HIP1: variants seen among roughly 807,000 people sequenced by gnomAD.
HIP1 encodes the protein huntingtin-interacting protein 1.
Under a neutral mutation model 147.6 loss-of-function variants are expected in HIP1, and 65 were observed. The ratio of observed to expected loss-of-function variants is 0.44; its 90% CI spans 0.36 to 0.54. HIP1 has a LOEUF of 0.54. HIP1 is among the 20% of genes least tolerant of loss of function. The pLI, the probability that HIP1 is intolerant of heterozygous loss-of-function variation, is 0.00. For synonymous variants in HIP1, 479 were observed against 504.0 expected (o/e 0.95, Z 0.67); for missense variants, 1,061 against 1,299.6 (o/e 0.82, Z 2.82).
Position 75,637,997 on chromosome 7 carries a change from CACACACAT to C in HIP1, c.121-38758_121-38751del, listed in dbSNP as rs1798498316. Among the ~76,000 whole-genome samples the C allele has an allele frequency of 1.4e-4, 10 of 72,756 alleles. No individual in the cohort carries two copies. The East Asian group carries it at 1.4e-3, about 10-fold the overall frequency. The allele number at this position is 72,756 out of a possible 152,430, so 47.7% of individuals were successfully genotyped here. ...CCCAGACCCCCCCCCCCCCCCCACACACACACATACACACACACACACACACACACACA... is the reference window on the plus strand; with the variant it reads ...CCCAGACCCCCCCCCCCCCCCCACACACACACACACACACACACACACACA... On this transcript the variant is annotated intron_variant, in intron 1 of 30. Coordinates refer to ENST00000336926, the MANE Select transcript of HIP1 (RefSeq NM_005338.7).
intron 27 of HIP1, among the ~76,000 whole-genome samples, chr7:75,544,410 CTCTCTAACCTAGCCAA>C (rs1794458734): frequency 6.8e-5 from 2 of 29,540 alleles, no homozygotes; most frequent in African/African-American, 3.6e-4. Context: ...TAGCCAAGTA[CTCTCTAACCTAGCCAA>C]GTACTATCTA....
intron 1 of HIP1, among the ~76,000 whole-genome samples, chr7:75,669,764 T>C (rs1444604130): frequency 6.6e-6 from 1 of 152,200 alleles, no homozygotes. Context: ...ATGTTTTCAA[T>C]GTTTAAGCAT....
At chr7:75,690,344 G>A (rs1199339867) in intron 1 of HIP1, among the ~76,000 whole-genome samples, 2 of 151,958 alleles carry the variant, frequency 1.3e-5, no homozygotes, top group Non-Finnish European at 2.9e-5. Flanking sequence ...CATACAACTA[G>A]CCAATAAGCA....
In HIP1 at chr7:75,732,441, G is replaced by A. The variant is rs569638146; in HGVS notation, c.120+6360C>T. Among the ~76,000 whole-genome samples the A allele has an allele frequency of 5.9e-5, 9 of 152,214 alleles. No individual in the cohort carries two copies. The South Asian group carries it at 1.9e-3, about 32-fold the overall frequency. ...TCTGGAGTGCAGTGGTGTGATCACG[G>A]CTCACTGCCGCCTCAACTTCCTGGG... On this transcript the variant is annotated intron_variant, in intron 1 of 30. Coordinates refer to ENST00000336926, the MANE Select transcript of HIP1 (RefSeq NM_005338.7).
intron 1 of HIP1, among the ~76,000 whole-genome samples, chr7:75,715,458 C>CAGAGAGAG (rs1164089551): frequency 9.4e-6 from 1 of 106,606 alleles, no homozygotes; most frequent in Admixed American, 1.0e-4. Context: ...GAGACACACA[C>CAGAGAGAG]AGAGAGAGAG....
At chr7:75,728,702 C>A (rs1401041206) in intron 1 of HIP1, among the ~76,000 whole-genome samples, 1 of 151,558 alleles carries the variant, frequency 6.6e-6, no homozygotes, top group Non-Finnish European at 1.5e-5. Context: ...GCAGCACCAA[C>A]CCTTTATTTT....
chr7:75,650,234 C>G (rs1340980696), intron 1 of HIP1, among the ~76,000 whole-genome samples: 2 of 152,092 alleles, frequency 1.3e-5, no homozygotes, highest in African/African-American at 2.4e-5. Flanking sequence ...GCCACTCAGC[C>G]AAGTCCCTGA....
chr7:75,610,616 T>TC (rs1430041990), intron 1 of HIP1, among the ~76,000 whole-genome samples: 54 of 151,916 alleles, frequency 3.6e-4, no homozygotes, highest in African/African-American at 1.3e-3. Flanking sequence ...GACCCTGCCT[T>TC]CTCCTTTCCT....
In HIP1 at chr7:75,537,121, G is replaced by C. The variant is rs1396792524; in HGVS notation, c.*1051C>G. Reference sequence around the variant, plus strand: ...GACCATTCACGGACAGTTCATTCCGGCAGGGAAGTAGTGTTGTTGATCTCA... The same window carrying C: ...GACCATTCACGGACAGTTCATTCCGCCAGGGAAGTAGTGTTGTTGATCTCA... On this transcript the variant is annotated 3_prime_UTR_variant, in exon 31 of 31. Transcript: ENST00000336926. 4 of 232,486 alleles carry C rather than the reference G, an allele frequency of 1.7e-5. No homozygotes were observed. Among genetic ancestry groups the C allele is most frequent in the African/African-American group, 8.8e-5 (4 of 45,302 alleles). The allele number at this position is 232,486 out of a possible 1,614,324, so 14.4% of individuals were successfully genotyped here.
Position 75,559,877 on chromosome 7 carries a change from G to T in HIP1, c.1230C>A (p.Ser410Arg). Residue 410 changes from serine (S) to arginine (R), a missense_variant, in exon 14 of 31, where the codon AGC becomes AGA. Transcript: ENST00000336926. The part of the protein sequence containing the change: ...RVVLQLKGHV[S>R]ELEADLAEQQ... Reference sequence around the variant, plus strand: ...GCTCGGCCAGATCTGCTTCCAGCTCGCTGACGTGGCCCTTCAGCTGCAGCA... The same window carrying T: ...GCTCGGCCAGATCTGCTTCCAGCTCTCTGACGTGGCCCTTCAGCTGCAGCA... The T allele has an allele frequency of 6.2e-7, 1 of 1,610,488 alleles. No homozygotes were observed. Among genetic ancestry groups the T allele is most frequent in the Non-Finnish European group, 8.5e-7 (1 of 1,179,282 alleles).
rs1249933703 is a variant in HIP1 at position 75,664,024 on chromosome 7, ATG to A, written c.121-64779_121-64778del. ...TATATGTGTATATATATACACATAT[ATG>A]TGTATATATATACACATATATGTGT... On this transcript the variant is annotated intron_variant, in intron 1 of 30. Coordinates refer to ENST00000336926, the MANE Select transcript of HIP1 (RefSeq NM_005338.7). Among the ~76,000 whole-genome samples, 5 of 22,900 alleles carry A rather than the reference ATG, an allele frequency of 2.2e-4. 1 individual carries two copies. Among genetic ancestry groups the A allele is most frequent in the Admixed American group, 1.1e-3 (2 of 1,822 alleles). 15.0% of individuals were successfully genotyped at this position (22,900 alleles called of 152,430 possible).
At chr7:75,613,236 G>A (rs1797512180) in intron 1 of HIP1, among the ~76,000 whole-genome samples, 1 of 152,180 alleles carries the variant, frequency 6.6e-6, no homozygotes, top group Non-Finnish European at 1.5e-5. Context: ...ATGACAGGGA[G>A]AGTACAGAAC....
intron 1 of HIP1, among the ~76,000 whole-genome samples, chr7:75,707,498 A>T (rs1801038639): frequency 7.1e-6 from 1 of 140,024 alleles, no homozygotes; most frequent in Non-Finnish European, 1.5e-5. Flanking sequence ...TTTTCTTGTA[A>T]ATTTGTTTGA....
At chr7:75,635,065 T>C (rs916425010) in intron 1 of HIP1, among the ~76,000 whole-genome samples, 5 of 152,164 alleles carry the variant, frequency 3.3e-5, no homozygotes, top group African/African-American at 1.2e-4. Flanking sequence ...TTGACTCTAT[T>C]TCCCAAATTA....
chr7:75,541,897 G>A, intron 29 of HIP1, 22 bp downstream of exon 29: 1 of 1,578,866 alleles, frequency 6.3e-7, no homozygotes, highest in South Asian at 1.1e-5. Flanking sequence ...AGGCTATCTA[G>A]ACTTACAGAT....
chr7:75,579,437 G>T (rs1795959452), intron 7 of HIP1, among the ~76,000 whole-genome samples: 1 of 151,960 alleles, frequency 6.6e-6, no homozygotes, highest in Non-Finnish European at 1.5e-5. Context: ...GATTACAGGT[G>T]CTCACCACCA....
At chr7:75,563,714 C>T (rs587774370) in intron 9 of HIP1, among the ~76,000 whole-genome samples, 6 of 152,294 alleles carry the variant, frequency 3.9e-5, no homozygotes, top group African/African-American at 1.4e-4. Context: ...ACTATTTGTT[C>T]TCTCCACAAT....
intron 1 of HIP1, among the ~76,000 whole-genome samples, chr7:75,726,921 C>A (rs1801668695): frequency 6.6e-6 from 1 of 151,874 alleles, no homozygotes; most frequent in South Asian, 2.1e-4. Flanking sequence ...GGGTGATCTG[C>A]CCAACTCAGC....
chr7:75,601,205 A>T (rs1452034453), intron 1 of HIP1, among the ~76,000 whole-genome samples: 3 of 152,200 alleles, frequency 2.0e-5, no homozygotes, highest in African/African-American at 7.2e-5. Context: ...TCTGGAGAAT[A>T]AAAAGTCTGG....
Sources: allele counts gnomAD v4.1 joint callset (sites outside exome capture counted in the v4.1 genomes callset), GRCh38; gene constraint gnomAD v4.1.1; transcripts MANE v1.5; gene names NCBI Gene and HGNC (gene_info 2026-07-23, HGNC 2026-07-21).